The following LIPC variants were observed in gnomAD, a reference collection of about 807,000 sequenced individuals.
LIPC encodes hepatic triacylglycerol lipase.
A neutral mutation model predicts 50.7 loss-of-function variants in LIPC; 44 were observed. The ratio of observed to expected loss-of-function variants is 0.87; its 90% CI spans 0.68 to 1.11. The LOEUF is 1.11. Among genes scored for constraint, LIPC ranks in the 50% most tolerant of loss-of-function variants. LIPC has a pLI of 0.00. For synonymous variants in LIPC, 271 were observed against 256.4 expected (o/e 1.06, Z -0.54); for missense variants, 697 against 648.2 (o/e 1.08, Z -0.82).
chr15:58,525,417 C>T (rs779380152), intron 1 of LIPC, among the ~76,000 whole-genome samples: 4 of 152,206 alleles, frequency 2.6e-5, no homozygotes, highest in Non-Finnish European at 4.4e-5. Context: ...CTCCCCTGGC[C>T]ATTTACTGGC....
chr15:58,559,826 C>A (rs1185918191), intron 6 of LIPC, among the ~76,000 whole-genome samples: 1 of 152,080 alleles, frequency 6.6e-6, no homozygotes. Flanking sequence ...AGAAAGAAGT[C>A]CAAGCAGTAA....
chr15:58,544,315 A>C (rs1893444250), intron 4 of LIPC, among the ~76,000 whole-genome samples: 1 of 152,088 alleles, frequency 6.6e-6, no homozygotes, highest in South Asian at 2.1e-4. Context: ...AGGAAAGCTC[A>C]ACACCCTCTT....
At chr15:58,504,148 T>C (rs1345836296) in intron 1 of LIPC, among the ~76,000 whole-genome samples, 3 of 152,204 alleles carry the variant, frequency 2.0e-5, no homozygotes, top group African/African-American at 7.2e-5. Context: ...GCACCCTGGC[T>C]GGAGTGAACA....
chr15:58,432,218 C>T, intron 1 of LIPC, 98 bp downstream of exon 1: 1 of 942,176 alleles, frequency 1.1e-6, no homozygotes, highest in Non-Finnish European at 1.7e-6. Flanking sequence ...TGGGACAGAG[C>T]TTGCTTCAGA....
chr15:58,438,658 G>A (rs1320298997), intron 1 of LIPC, among the ~76,000 whole-genome samples: 2 of 152,186 alleles, frequency 1.3e-5, no homozygotes, highest in Non-Finnish European at 2.9e-5. Flanking sequence ...ACCAAATCCA[G>A]TCACTCCAGC....
chr15:58,508,246 G>C (rs529948666), intron 1 of LIPC, among the ~76,000 whole-genome samples: 1 of 151,958 alleles, frequency 6.6e-6, no homozygotes, highest in South Asian at 2.1e-4. Context: ...AAGGGTGGGG[G>C]GTAGGGAGTG....
intron 1 of LIPC, among the ~76,000 whole-genome samples, chr15:58,456,601 G>C (rs552128594): frequency 1.3e-5 from 2 of 152,322 alleles, no homozygotes; most frequent in Admixed American, 1.3e-4. Flanking sequence ...AGGACTGCAG[G>C]AGCACATGGG....
intron 1 of LIPC, among the ~76,000 whole-genome samples, chr15:58,476,086 G>C (rs1015373297): frequency 1.3e-5 from 2 of 152,256 alleles, no homozygotes; most frequent in Non-Finnish European, 2.9e-5. Flanking sequence ...CTTAGGAAGA[G>C]AGCAGTCCTG....
chr15:58,549,495 C>A lies in LIPC; in HGVS notation c.1051+923C>A, dbSNP rs534890222. Among the ~76,000 whole-genome samples the A allele has an allele frequency of 6.6e-5, 10 of 152,286 alleles. No individual in the cohort carries two copies. The South Asian group carries it at 2.1e-3, about 32-fold the overall frequency. On this transcript the variant is annotated intron_variant, in intron 6 of 8. Coordinates refer to ENST00000299022, the MANE Select transcript of LIPC (RefSeq NM_000236.3). ...CCTTGTGGTTCTCCCAACAGCCAGGCGAGGATGGCAGGGCTGGTTATTATC... is the reference window on the plus strand; with the variant it reads ...CCTTGTGGTTCTCCCAACAGCCAGGAGAGGATGGCAGGGCTGGTTATTATC...
intron 1 of LIPC, among the ~76,000 whole-genome samples, chr15:58,483,129 T>G (rs1490429136): frequency 6.6e-6 from 1 of 152,146 alleles, no homozygotes; most frequent in African/African-American, 2.4e-5. Context: ...GGTAACAAAT[T>G]TAAATTCTTC....
chr15:58,450,990 G>A (rs559356784), intron 1 of LIPC, among the ~76,000 whole-genome samples: 12 of 152,302 alleles, frequency 7.9e-5, no homozygotes, highest in South Asian at 6.2e-4. Context: ...TGATGAGGCT[G>A]CAATTGCGAT....
At chr15:58,435,292 T>G (rs1566905266) in intron 1 of LIPC, 2 of 152,228 alleles carry the variant, frequency 1.3e-5, no homozygotes, top group Non-Finnish European at 2.9e-5. Context: ...CAGTCTGTTG[T>G]GATGTATTGC....
chr15:58,451,253 C>A lies in LIPC; in HGVS notation c.88+19133C>A, dbSNP rs978859332. On this transcript the variant is annotated intron_variant, in intron 1 of 8. Transcript: ENST00000299022. Reference sequence around the variant, plus strand: ...AGGAAAGTCAACATATTTGGAGATACGAAAAAGGCAGGTAAGTAATTGTAT... The same window carrying A: ...AGGAAAGTCAACATATTTGGAGATAAGAAAAAGGCAGGTAAGTAATTGTAT... 2.0e-5 allele frequency among the ~76,000 whole-genome samples: 3 copies of A among 151,918 alleles called. No homozygotes were observed. The East Asian group carries it at 5.8e-4, about 29-fold the overall frequency.
intron 1 of LIPC, among the ~76,000 whole-genome samples, chr15:58,452,762 G>A (rs933250847): frequency 6.6e-6 from 1 of 152,154 alleles, no homozygotes; most frequent in Non-Finnish European, 1.5e-5. Flanking sequence ...GTGAGGCCTG[G>A]TCCTGGGATT....
intron 1 of LIPC, among the ~76,000 whole-genome samples, chr15:58,459,270 T>C (rs1183683063): frequency 2.0e-5 from 3 of 152,138 alleles, no homozygotes; most frequent in South Asian, 2.1e-4. Flanking sequence ...GGAAGTGACA[T>C]AGACAGTGTC....
chr15:58,554,159 T>C (rs528625134), intron 6 of LIPC, among the ~76,000 whole-genome samples: 8 of 152,306 alleles, frequency 5.3e-5, no homozygotes, highest in Non-Finnish European at 8.8e-5. Context: ...AAAGAAAATG[T>C]AAGTTTTTTC....
intron 6 of LIPC, among the ~76,000 whole-genome samples, chr15:58,556,111 A>G (rs1193730667): frequency 6.6e-6 from 1 of 152,234 alleles, no homozygotes; most frequent in African/African-American, 2.4e-5. Flanking sequence ...ATGAGGAGAA[A>G]GATGATGTAT....
In LIPC at chr15:58,563,607, A is replaced by G. The variant is rs759738371; in HGVS notation, c.1272A>G (p.Ala424=). 6.2e-7 allele frequency: 1 copy of G among 1,614,198 alleles called. No homozygotes were observed. Among genetic ancestry groups the G allele is most frequent in the South Asian group, 1.1e-5 (1 of 91,082 alleles). ...TCAAGTTCAAGTGGGAAAACAGTGCAGTGTGGGCCAATGTCTGGGACACGG... is the reference window on the plus strand; with the variant it reads ...TCAAGTTCAAGTGGGAAAACAGTGCGGTGTGGGCCAATGTCTGGGACACGG... ...IMIKFKWENS[A]VWANVWDTVQ... is the part of the protein sequence containing the mutation. Residue 424 remains alanine (A), a synonymous_variant, in exon 8 of 9, where the codon GCA becomes GCG. Transcript: ENST00000299022.
At chr15:58,453,156 C>T (rs564774988) in intron 1 of LIPC, among the ~76,000 whole-genome samples, 20 of 152,110 alleles carry the variant, frequency 1.3e-4, no homozygotes, top group Admixed American at 1.2e-3. Flanking sequence ...CATAGTATTT[C>T]TTCTCCCCGC....
Sources: allele counts gnomAD v4.1 joint callset (sites outside exome capture counted in the v4.1 genomes callset), GRCh38; gene constraint gnomAD v4.1.1; transcripts MANE v1.5; gene names NCBI Gene and HGNC (gene_info 2026-07-23, HGNC 2026-07-21).